CRLF1: variants seen among roughly 807,000 people sequenced by gnomAD.
CRLF1 encodes the protein cytokine receptor like factor 1.
A neutral mutation model predicts 48.9 loss-of-function variants in CRLF1; 36 were observed. The ratio of observed to expected loss-of-function variants is 0.74; its 90% CI spans 0.56 to 0.97. The LOEUF (loss-of-function observed/expected upper bound fraction) is 0.97, where lower values mean the gene tolerates loss of function less well. Ranked by LOEUF, CRLF1 falls within the 50% of genes least tolerant of loss-of-function variation. The pLI, the probability that CRLF1 is intolerant of heterozygous loss-of-function variation, is 0.00. For synonymous variants in CRLF1, 256 were observed against 253.4 expected (o/e 1.01, Z -0.10); for missense variants, 534 against 575.1 (o/e 0.93, Z 0.73).
Position 18,594,080 on chromosome 19 carries a change from G to A in CRLF1, c.1240C>T (p.Arg414Trp). 1.7e-6 allele frequency: 2 copies of A among 1,208,256 alleles called. No homozygotes were observed. The highest frequency in any genetic ancestry group is 1.1e-6 in the Non-Finnish European group (1 of 936,612). 74.8% of individuals were successfully genotyped at this position (1,208,256 alleles called of 1,614,324 possible). A position where few individuals can be genotyped will look rare whatever the true frequency, so the allele number is the denominator to read the frequency against. Residue 414 changes from arginine to tryptophan, a missense_variant, in exon 8 of 9, where the codon CGG becomes TGG. This residue lies in a region of CRLF1 where 528 missense variants were observed against 555.7 expected (regional missense o/e 0.95). Coordinates refer to ENST00000392386, the MANE Select transcript of CRLF1 (RefSeq NM_004750.5). Reference protein sequence around the residue: ...QDEGILPSGRRGTARGPAR With the variant: ...QDEGILPSGRWGTARGPAR ...CCCACCTTACCTCTCGCCGTGCCCC[G>A]TCTGCCCGAGGGCAGGATCCCCTCG...
At position 18,598,897 on chromosome 19, in the gene CRLF1, G is replaced by A. The variant is rs996173548; in HGVS notation, c.402C>T (p.Pro134=). 2.5e-6 allele frequency: 4 copies of A among 1,613,876 alleles called. No homozygotes were observed. The highest frequency in any genetic ancestry group is 3.4e-6 in the Non-Finnish European group (4 of 1,179,950). Residue 134 remains proline (P), a synonymous_variant, in exon 3 of 9, where the codon CCC becomes CCT. Coordinates refer to ENST00000392386, the MANE Select transcript of CRLF1 (RefSeq NM_004750.5). ...AGCTGATGTTGACGGGTTTCTCTGG[G>A]GGCACTGGGAGAAGGGGAGGGTGCA... ...LAGSCLYVGL[P]PEKPVNISCW...
chr19:18,598,341 G>C (rs1976170293), intron 4 of CRLF1, 91 bp downstream of exon 4: 1 of 1,443,878 alleles, frequency 6.9e-7, no homozygotes, highest in African/African-American at 1.4e-5. Context: ...TGGGACCCTA[G>C]GAAAAATGAG....
intron 8 of CRLF1, 61 bp from the exon 9 acceptor site, chr19:18,593,640 C>A (rs914599007): frequency 1.9e-6 from 3 of 1,565,312 alleles, no homozygotes; most frequent in Admixed American, 1.9e-5. Flanking sequence ...CACCACAGAG[C>A]CACTGAAGGA....
chr19:18,597,100 T>TC (rs1467069579), intron 4 of CRLF1, 51 bp from the exon 5 acceptor site: 4 of 1,576,410 alleles, frequency 2.5e-6, no homozygotes, highest in South Asian at 1.1e-5. Flanking sequence ...TGGGTTTAAC[T>TC]CCCCCCAGCA....
intron 1 of CRLF1, among the ~76,000 whole-genome samples, chr19:18,602,290 T>A (rs968731974): frequency 1.3e-5 from 2 of 152,174 alleles, no homozygotes; most frequent in African/African-American, 4.8e-5. Context: ...TTTCCCCATC[T>A]GGAAAGTGGA....
At position 18,599,571 on chromosome 19, in the gene CRLF1, C is replaced by G. The variant is rs758154908; in HGVS notation, c.391G>C (p.Val131Leu). ...GSILAGSCLYVGLPPEKPVNI... is the reference protein window; with the variant it reads ...GSILAGSCLYLGLPPEKPVNI... The stretch of plus-strand genomic sequence containing the variant: ...GTCCTGGGTGCCAACTTACGGCCAA[C>G]ATAGAGGCAGGAGCCAGCCAGGATG... Residue 131 changes from valine to leucine, a missense_variant, in exon 2 of 9, where the codon GTT (valine) becomes CTT (leucine). Around this residue, in one of 2 missense-constraint regions of CRLF1, gnomAD observed 528 missense variants for 555.7 expected, o/e 0.95. Transcript: ENST00000392386. 3 of 1,612,324 alleles carry G rather than the reference C, an allele frequency of 1.9e-6. No individual in the cohort carries two copies. The African/African-American group carries it at 4.0e-5, about 22-fold the overall frequency.
At chr19:18,596,030 G>A (rs1427647383) in intron 6 of CRLF1, among the ~76,000 whole-genome samples, 1 of 152,244 alleles carries the variant, frequency 6.6e-6, no homozygotes, top group Non-Finnish European at 1.5e-5. Flanking sequence ...ACCACTGCTG[G>A]TGGGGGCTGT....
chr19:18,597,075 C>T (rs748716431), intron 4 of CRLF1, 26 bp from the exon 5 acceptor site: 1 of 1,605,232 alleles, frequency 6.2e-7, no homozygotes, highest in Non-Finnish European at 8.5e-7. Context: ...GGGACCCTCT[C>T]AGCCTGGGAC....
chr19:18,593,479 C>A lies in CRLF1; in HGVS notation c.*87G>T. 1 of 1,578,696 alleles carries A rather than the reference C, an allele frequency of 6.3e-7. No individual in the cohort carries two copies. The highest frequency in any genetic ancestry group is 2.3e-5 in the East Asian group (1 of 43,452). Reference sequence around the variant, plus strand: ...TCCTGCTGAGGGTGGCTCAGGTGCCCTGAAGTGAGGGTACAGAGGTGGCCC... The same window carrying A: ...TCCTGCTGAGGGTGGCTCAGGTGCCATGAAGTGAGGGTACAGAGGTGGCCC... On this transcript the variant is annotated 3_prime_UTR_variant, in exon 9 of 9. Coordinates refer to ENST00000392386, the MANE Select transcript of CRLF1 (RefSeq NM_004750.5).
At chr19:18,600,139 A>G (rs748424416) in intron 1 of CRLF1, among the ~76,000 whole-genome samples, 24 of 152,140 alleles carry the variant, frequency 1.6e-4, no homozygotes, top group African/African-American at 1.7e-4. Flanking sequence ...CAACTCGGGC[A>G]TAGAGGCTCA....
In CRLF1 at chr19:18,598,465, A is replaced by T; in HGVS notation, c.664T>A (p.Ser222Thr). Residue 222 changes from serine to threonine, a missense_variant, in exon 4 of 9, where the codon TCC becomes ACC. Physicochemically the swap from Ser to Thr is moderately conservative, Grantham distance 58 (BLOSUM62 1). This residue lies in a region of CRLF1 where 528 missense variants were observed against 555.7 expected (regional missense o/e 0.95). Transcript: ENST00000392386. Reference sequence around the variant, plus strand: ...AGGATATCCAGCGTGAGTACATCGGAGCGGGCAGAGCCCAGGCGGTTGGTG... The same window carrying T: ...AGGATATCCAGCGTGAGTACATCGGTGCGGGCAGAGCCCAGGCGGTTGGTG... ...EATNRLGSAR[S>T]DVLTLDILDV... The T allele has an allele frequency of 6.2e-7, 1 of 1,614,010 alleles. No individual in the cohort carries two copies. Among genetic ancestry groups the T allele is most frequent in the Non-Finnish European group, 8.5e-7 (1 of 1,179,962 alleles).
At chr19:18,604,485 T>G (rs995500469) in intron 1 of CRLF1, among the ~76,000 whole-genome samples, 1 of 152,234 alleles carries the variant, frequency 6.6e-6, no homozygotes, top group Non-Finnish European at 1.5e-5. Context: ...TACGTTCTAC[T>G]TGCTGGGGAG....
rs1320212673 is a variant in CRLF1, at chr19:18,594,435, C to T, written c.1025-1G>A. 3.4e-6 allele frequency: 5 copies of T among 1,457,268 alleles called. No individual in the cohort carries two copies. The allele number at this position is 1,457,268 out of a possible 1,614,324, so 90.3% of individuals were successfully genotyped here. On this transcript the variant is annotated splice_acceptor_variant, in intron 6 of 8. Transcript: ENST00000392386. LOFTEE classifies it high-confidence loss of function. Reference sequence around the variant, plus strand: ...GCCCCGCCGCCCGGGCCCGGGCGCTCTGGTGGTGGGCGGAGCGGCAGTGTC... The same window carrying T: ...GCCCCGCCGCCCGGGCCCGGGCGCTTTGGTGGTGGGCGGAGCGGCAGTGTC...
chr19:18,594,460 C>T (rs1436430444), intron 6 of CRLF1, 26 bp from the exon 7 acceptor site: 4 of 1,330,180 alleles, frequency 3.0e-6, no homozygotes, highest in South Asian at 2.1e-5. Flanking sequence ...GCGGCAGTGT[C>T]AGAGCGCGCC....
At chr19:18,594,032 T>TGGGGCCCCCC in intron 8 of CRLF1, 33 bp downstream of exon 8, 1 of 695,812 alleles carries the variant, frequency 1.4e-6, no homozygotes, top group Non-Finnish European at 2.2e-6. Flanking sequence ...CTCCCCTTGC[T>TGGGGCCCCCC]CCCTCCCGCC....
chr19:18,600,515 C>T (rs146415212), intron 1 of CRLF1, among the ~76,000 whole-genome samples: 8,310 of 152,252 alleles, frequency 0.055, 257 homozygotes, highest in Admixed American at 0.073. Context: ...ACTACGCGCC[C>T]GCCACCACGC....
Position 18,606,531 on chromosome 19 carries a change from C to A in CRLF1, c.115+11G>T. 8.7e-7 allele frequency: 1 copy of A among 1,152,378 alleles called. No homozygotes were observed. The highest frequency in any genetic ancestry group is 4.2e-5 in the South Asian group (1 of 23,608). 71.4% of individuals were successfully genotyped at this position (1,152,378 alleles called of 1,614,324 possible). On this transcript the variant is annotated intron_variant, in intron 1 of 8. Coordinates refer to ENST00000392386, the MANE Select transcript of CRLF1 (RefSeq NM_004750.5). This position sits in a 1 kb window ranked among gnomAD's most constrained non-coding sequence, Gnocchi z 4.8. ...TGGCAGGGGGGAAGGAGTGGGGCGCCGGGTACTCACGGGCTCCTGATCCGG... is the reference window on the plus strand; with the variant it reads ...TGGCAGGGGGGAAGGAGTGGGGCGCAGGGTACTCACGGGCTCCTGATCCGG...
chr19:18,597,098 A>G lies in CRLF1; in HGVS notation c.698-49T>C, dbSNP rs1229337435. ...CTCAGCCTGGGACTGTCTGGGTTTA[A>G]CTCCCCCCAGCAGTGTGGCCCAGGG... On this transcript the variant is annotated intron_variant, in intron 4 of 8. Coordinates refer to ENST00000392386, the MANE Select transcript of CRLF1 (RefSeq NM_004750.5). 3.2e-6 allele frequency: 5 copies of G among 1,582,908 alleles called. No individual in the cohort carries two copies. In the African/African-American group the frequency reaches 4.0e-5, roughly 13 times the overall value.
chr19:18,598,742 C>A, intron 3 of CRLF1, 30 bp downstream of exon 3: 1 of 1,614,078 alleles, frequency 6.2e-7, no homozygotes, highest in Non-Finnish European at 8.5e-7. Context: ...CAGCCTGGGA[C>A]ACACACATCG....
Sources: allele counts gnomAD v4.1 joint callset (sites outside exome capture counted in the v4.1 genomes callset), GRCh38; gene constraint gnomAD v4.1.1; regional missense constraint gnomAD v4.1.1; non-coding constraint Gnocchi (gnomAD v3.1); transcripts MANE v1.5; gene names NCBI Gene and HGNC (gene_info 2026-07-23, HGNC 2026-07-21).